Variants in WDR41 observed in about 807,000 individuals in gnomAD.
WDR41 encodes WD repeat domain 41, also known as WD repeat-containing protein 41.
WDR41 carries 63 observed loss-of-function variants against 69.3 expected under a neutral mutation model. The ratio of observed to expected loss-of-function variants is 0.91; its 90% CI spans 0.74 to 1.12. The LOEUF (loss-of-function observed/expected upper bound fraction) is 1.12. WDR41 is among the 50% of genes most tolerant of loss of function. The pLI, the probability that WDR41 is intolerant of heterozygous loss-of-function variation, is 0.00. For synonymous variants in WDR41, 185 were observed against 192.1 expected (o/e 0.96, Z 0.31); for missense variants, 543 against 534.5 (o/e 1.02, Z -0.16).
chr5:77,564,495 G>C (rs1267231816), intron 1 of WDR41, among the ~76,000 whole-genome samples: 2 of 152,094 alleles, frequency 1.3e-5, no homozygotes, highest in Non-Finnish European at 2.9e-5. Context: ...ACATAGTTTT[G>C]TCACAACTTG....
upstream of WDR41, among the ~76,000 whole-genome samples, chr5:77,493,448 C>T (rs1419156812): frequency 6.6e-6 from 1 of 152,080 alleles, no homozygotes; most frequent in Non-Finnish European, 1.5e-5. Context: ...CATAATGTCC[C>T]AGTCACCAAT....
intron 1 of WDR41, among the ~76,000 whole-genome samples, chr5:77,585,420 T>C (rs1744020800): frequency 6.6e-6 from 1 of 152,176 alleles, no homozygotes; most frequent in African/African-American, 2.4e-5. Context: ...TGTGGAGATT[T>C]CTTAAACAAC....
intron 1 of WDR41, among the ~76,000 whole-genome samples, chr5:77,506,086 C>T (rs1802101192): frequency 6.6e-6 from 1 of 152,140 alleles, no homozygotes; most frequent in African/African-American, 2.4e-5. Context: ...AAACTACCAT[C>T]AGAGTGAACA....
In WDR41 at chr5:77,489,774, TCTC is replaced by T. The variant is rs1336360088; in HGVS notation, c.52-205_52-203del. On this transcript the variant is annotated intron_variant, in intron 1 of 12. Coordinates refer to ENST00000296679, the MANE Select transcript of WDR41 (RefSeq NM_018268.4). ...AACTGCCAGTTCCACATAAAACACT[TCTC>T]CTACCACAAATTCGAATCATGAATT... is the stretch of plus-strand genomic sequence containing the variant. Among the ~76,000 whole-genome samples, 6 of 152,116 alleles carry T rather than the reference TCTC, an allele frequency of 3.9e-5. No individual in the cohort carries two copies. The East Asian group carries it at 5.8e-4, about 15-fold the overall frequency.
intron 1 of WDR41, among the ~76,000 whole-genome samples, chr5:77,517,468 C>T (rs1204277804): frequency 6.6e-6 from 1 of 152,126 alleles, no homozygotes; most frequent in Non-Finnish European, 1.5e-5. Context: ...TGCAGCTAGA[C>T]CATGCTTAGT....
At chr5:77,519,924 A>G (rs1802348105) in intron 1 of WDR41, among the ~76,000 whole-genome samples, 1 of 151,938 alleles carries the variant, frequency 6.6e-6, no homozygotes, top group East Asian at 1.9e-4. Context: ...TATTATTTCA[A>G]TGTATTTTCC....
chr5:77,568,206 A>G (rs1191131826), intron 1 of WDR41, among the ~76,000 whole-genome samples: 1 of 152,154 alleles, frequency 6.6e-6, no homozygotes, highest in Non-Finnish European at 1.5e-5. Flanking sequence ...CAAGATAGTG[A>G]TACTGTCCAG....
intron 1 of WDR41, among the ~76,000 whole-genome samples, chr5:77,504,785 C>T (rs1195281814): frequency 6.6e-6 from 1 of 152,158 alleles, no homozygotes; most frequent in African/African-American, 2.4e-5. Context: ...ACATGATTAT[C>T]TCAATAGATG....
At chr5:77,515,358 T>C (rs55905777) in intron 1 of WDR41, among the ~76,000 whole-genome samples, 12,581 of 152,196 alleles carry the variant, frequency 0.083, 547 homozygotes, top group Middle Eastern at 0.19. Context: ...TATCTTCCAC[T>C]TCCATATCTT....
At chr5:77,517,992 C>G (rs149749135) in intron 1 of WDR41, among the ~76,000 whole-genome samples, 1 of 152,178 alleles carries the variant, frequency 6.6e-6, no homozygotes, top group African/African-American at 2.4e-5. Flanking sequence ...ATTAGGCATT[C>G]AGTAAAGACT....
intron 8 of WDR41, among the ~76,000 whole-genome samples, chr5:77,446,023 C>T (rs998513247): frequency 6.6e-6 from 1 of 152,112 alleles, no homozygotes; most frequent in African/African-American, 2.4e-5. Flanking sequence ...ATTTAGAAAA[C>T]CCCATCATCT....
intron 5 of WDR41, among the ~76,000 whole-genome samples, chr5:77,455,883 C>T (rs1045062938): frequency 6.6e-6 from 1 of 151,772 alleles, no homozygotes; most frequent in East Asian, 1.9e-4. Context: ...GGAAGTGTGT[C>T]TTGGAACTTT....
At position 77,431,196 on chromosome 5, in the gene WDR41, T is replaced by C. The variant is rs915393972; in HGVS notation, c.*1939A>G. Reference sequence around the variant, plus strand: ...AGTATTACATGTTACAGAGATCTCATTTGTGAAAGGAAGTCAATTGATTTG... The same window carrying C: ...AGTATTACATGTTACAGAGATCTCACTTGTGAAAGGAAGTCAATTGATTTG... On this transcript the variant is annotated 3_prime_UTR_variant, in exon 13 of 13. Coordinates refer to ENST00000296679, the MANE Select transcript of WDR41 (RefSeq NM_018268.4). 6.6e-6 allele frequency: 1 copy of C among 152,200 alleles called. No individual in the cohort carries two copies. The highest frequency in any genetic ancestry group is 1.5e-5 in the Non-Finnish European group (1 of 68,040). 9.4% of individuals were successfully genotyped at this position (152,200 alleles called of 1,614,324 possible).
chr5:77,602,592 T>A (rs897603097), intron 1 of WDR41, among the ~76,000 whole-genome samples: 106 of 152,212 alleles, frequency 7.0e-4, no homozygotes, highest in Non-Finnish European at 4.0e-4. Flanking sequence ...GATTTTTTTT[T>A]CTATGATCAA....
chr5:77,495,092 A>G (rs1331431241), upstream of WDR41, among the ~76,000 whole-genome samples: 3 of 152,144 alleles, frequency 2.0e-5, no homozygotes, highest in African/African-American at 7.2e-5. Flanking sequence ...ACCTAGAGAC[A>G]AAAACACAAC....
At chr5:77,541,798 A>G (rs1743093746) in intron 1 of WDR41, among the ~76,000 whole-genome samples, 1 of 152,218 alleles carries the variant, frequency 6.6e-6, no homozygotes, top group African/African-American at 2.4e-5. Context: ...TGGCAGAAAA[A>G]GGAACACTTT....
intron 1 of WDR41, among the ~76,000 whole-genome samples, chr5:77,564,062 C>A (rs1580011881): frequency 6.6e-6 from 1 of 152,080 alleles, no homozygotes; most frequent in African/African-American, 2.4e-5. Flanking sequence ...TAATACCTAC[C>A]TTTTCAGGCA....
chr5:77,612,011 C>T (rs1227075604), intron 1 of WDR41, among the ~76,000 whole-genome samples: 1 of 152,154 alleles, frequency 6.6e-6, no homozygotes, highest in African/African-American at 2.4e-5. Flanking sequence ...ATACTACAAA[C>T]ACCTCTATGC....
chr5:77,600,820 C>A lies in WDR41; in HGVS notation c.42+19659G>T, dbSNP rs371459660. Among the ~76,000 whole-genome samples, 358 of 151,964 alleles carry A rather than the reference C, an allele frequency of 2.4e-3. 3 individuals carry two copies. The highest frequency in any genetic ancestry group is 8.2e-3 in the African/African-American group (340 of 41,438). On this transcript the variant is annotated intron_variant, in intron 1 of 5. Coordinates refer to the WDR41 transcript ENST00000509971. ...GCTTGAACTTGGAGGGCAGAGTTTG[C>A]AGTGAGCCGAGATAACGCCACTGCA... is the stretch of plus-strand genomic sequence containing the variant.
Sources: allele counts gnomAD v4.1 joint callset (sites outside exome capture counted in the v4.1 genomes callset), GRCh38; gene constraint gnomAD v4.1.1; transcripts MANE v1.5; gene names NCBI Gene and HGNC (gene_info 2026-07-23, HGNC 2026-07-21).